NLK: variants seen among roughly 807,000 people sequenced by gnomAD.
NLK encodes the protein nemo like kinase.
A neutral mutation model predicts 59.0 loss-of-function variants in NLK; 11 were observed. The observed-to-expected ratio is 0.19, with a 90% CI of 0.12 to 0.31. The LOEUF (loss-of-function observed/expected upper bound fraction) is 0.31. Ranked by LOEUF, NLK falls within the 10% of genes least tolerant of loss-of-function variation. The pLI, the probability that NLK is intolerant of heterozygous loss-of-function variation, is 1.00. For synonymous variants in NLK, 235 were observed against 235.9 expected (o/e 1.00, Z 0.03); for missense variants, 410 against 661.1 (o/e 0.62, Z 4.16).
At chr17:28,076,727 A>AC (rs1380865202) in intron 1 of NLK, among the ~76,000 whole-genome samples, 1 of 152,158 alleles carries the variant, frequency 6.6e-6, no homozygotes, top group Non-Finnish European at 1.5e-5. Context: ...ATAAAAGAGG[A>AC]CCTATGGTTT....
intron 7 of NLK, among the ~76,000 whole-genome samples, chr17:28,173,059 A>G (rs1018725937): frequency 3.3e-5 from 5 of 152,222 alleles, no homozygotes; most frequent in Non-Finnish European, 5.9e-5. Flanking sequence ...TCAGATGTGA[A>G]CGTTGTTAGA....
chr17:28,103,461 A>G (rs1432489400), intron 1 of NLK, among the ~76,000 whole-genome samples: 1 of 152,192 alleles, frequency 6.6e-6, no homozygotes, highest in East Asian at 1.9e-4. Flanking sequence ...AATACATGCA[A>G]ATTTACAAAG....
At chr17:28,128,909 C>A (rs1457032744) in intron 2 of NLK, among the ~76,000 whole-genome samples, 1 of 152,110 alleles carries the variant, frequency 6.6e-6, no homozygotes, top group Non-Finnish European at 1.5e-5. Context: ...AAATGTCTGC[C>A]AACAGCACTC....
intron 1 of NLK, among the ~76,000 whole-genome samples, chr17:28,070,220 A>G (rs971641059): frequency 6.6e-6 from 1 of 151,930 alleles, no homozygotes; most frequent in African/African-American, 2.4e-5. Flanking sequence ...TGGGCAACAG[A>G]GCAAGACTGT....
chr17:28,205,971 A>G, the NLK span, among the ~76,000 whole-genome samples: 5 of 152,226 alleles, frequency 3.3e-5, no homozygotes, highest in Non-Finnish European at 5.9e-5. Flanking sequence ...GGTGATGGAT[A>G]TGTTAATTTG....
chr17:28,171,372 A>G (rs1173297405), intron 6 of NLK: 6 of 152,204 alleles, frequency 3.9e-5, no homozygotes, highest in Non-Finnish European at 7.4e-5. Context: ...GAAGGATCCA[A>G]ATGAAATGTT....
At chr17:28,139,575 A>G (rs1033261314) in intron 3 of NLK, among the ~76,000 whole-genome samples, 1 of 152,256 alleles carries the variant, frequency 6.6e-6, no homozygotes, top group Non-Finnish European at 1.5e-5. Flanking sequence ...ACTACTATGT[A>G]TATGACATTG....
intron 1 of NLK, among the ~76,000 whole-genome samples, chr17:28,066,730 G>A (rs773692301): frequency 6.6e-6 from 1 of 152,156 alleles, no homozygotes; most frequent in Non-Finnish European, 1.5e-5. Flanking sequence ...CACCAACAAG[G>A]TATAAAAGTT....
intron 3 of NLK, among the ~76,000 whole-genome samples, chr17:28,157,792 A>C (rs1203923199): frequency 6.6e-6 from 1 of 152,200 alleles, no homozygotes; most frequent in Non-Finnish European, 1.5e-5. Context: ...TCTTTATCTA[A>C]ATTTAGGGTA....
intron 1 of NLK, among the ~76,000 whole-genome samples, chr17:28,072,768 T>A (rs1910047796): frequency 6.6e-6 from 1 of 152,178 alleles, no homozygotes; most frequent in Non-Finnish European, 1.5e-5. Flanking sequence ...TAATAAATAT[T>A]GTTTATTTTC....
intron 5 of NLK, among the ~76,000 whole-genome samples, chr17:28,165,859 G>A (rs1041792360): frequency 1.3e-5 from 2 of 152,072 alleles, no homozygotes; most frequent in African/African-American, 2.4e-5. Context: ...CTTTCCTTTT[G>A]TTGGTTTGGT....
At chr17:28,143,182 T>C (rs1405495069) in intron 3 of NLK, among the ~76,000 whole-genome samples, 1 of 151,956 alleles carries the variant, frequency 6.6e-6, no homozygotes, top group Non-Finnish European at 1.5e-5. Context: ...TAACTGGGAC[T>C]ACAGGCACAT....
chr17:28,073,573 A>G lies in NLK; in HGVS notation c.458+30242A>G, dbSNP rs146150942. 2.3e-3 allele frequency among the ~76,000 whole-genome samples: 355 copies of G among 152,260 alleles called. 3 individuals carry two copies. Among genetic ancestry groups the G allele is most frequent in the African/African-American group, 8.0e-3 (331 of 41,562 alleles). On this transcript the variant is annotated intron_variant, in intron 1 of 10. Transcript: ENST00000407008. ...TTTCCATCTAATTTACTTTTATTCT[A>G]TACTCATATCTTTAGGAATTACCTC...
chr17:28,179,872 G>GTTTTTTTTTTTTTTTTT (rs34411493), intron 7 of NLK, among the ~76,000 whole-genome samples: 6 of 79,416 alleles, frequency 7.6e-5, no homozygotes, highest in Admixed American at 1.5e-4. Flanking sequence ...AGCATTCTTG[G>GTTTTTTTTTTTTTTTTT]TTTTTTTTTT....
Position 28,055,085 on chromosome 17 carries a change from AT to A in NLK, c.458+11763del, listed in dbSNP as rs1241363925. Among the ~76,000 whole-genome samples, 14 of 136,728 alleles carry A rather than the reference AT, an allele frequency of 1.0e-4. No individual in the cohort carries two copies. The South Asian group carries it at 1.4e-3, about 14-fold the overall frequency. 89.7% of individuals were successfully genotyped at this position (136,728 alleles called of 152,430 possible). A position where few individuals can be genotyped will look rare whatever the true frequency, so the allele number is the denominator to read the frequency against. ...CAGTAATTGTAGGGTTGTTGTGGGGATTTTTTTTTCTTTTTTTTTTTTTTTT... is the reference window on the plus strand; with the variant it reads ...CAGTAATTGTAGGGTTGTTGTGGGGATTTTTTTTCTTTTTTTTTTTTTTTT... On this transcript the variant is annotated intron_variant, in intron 1 of 10. Coordinates refer to ENST00000407008, the MANE Select transcript of NLK (RefSeq NM_016231.5).
At chr17:28,103,912 ATTAT>A (rs1365995809) in intron 1 of NLK, among the ~76,000 whole-genome samples, 1 of 152,212 alleles carries the variant, frequency 6.6e-6, no homozygotes, top group Non-Finnish European at 1.5e-5. Context: ...GATTACCATT[ATTAT>A]TTAATAAATG....
intron 1 of NLK, among the ~76,000 whole-genome samples, chr17:28,080,639 G>A (rs1032632072): frequency 2.0e-5 from 3 of 152,168 alleles, no homozygotes; most frequent in Admixed American, 6.5e-5. Context: ...GACCAATATC[G>A]CGTGTAGCAT....
At chr17:28,202,687 C>CTTTTTTTTTT in the NLK span, among the ~76,000 whole-genome samples, 6 of 133,420 alleles carry the variant, frequency 4.5e-5, no homozygotes, top group Non-Finnish European at 6.4e-5. Flanking sequence ...TCTTTTTTTT[C>CTTTTTTTTTT]TTTTTTTTTT....
intron 3 of NLK, among the ~76,000 whole-genome samples, chr17:28,158,019 CAG>C (rs1355212145): frequency 2.6e-5 from 4 of 152,158 alleles, no homozygotes; most frequent in East Asian, 1.9e-4. Flanking sequence ...GCAATACAGA[CAG>C]AGAATAAACA....
Sources: gnomAD v4.1 joint callset for allele counts (sites outside exome capture counted in the v4.1 genomes callset) on GRCh38, gnomAD v4.1.1 for gene constraint, MANE v1.5 for transcripts, NCBI Gene and HGNC (gene_info 2026-07-23, HGNC 2026-07-21) for gene names.